The following XKR6 variants were observed in gnomAD, a reference collection of about 807,000 sequenced individuals.
XKR6 encodes XK related 6, also known as XK-related protein 6.
XKR6 carries 22 observed loss-of-function variants against 56.7 expected under a neutral mutation model. That is an observed-to-expected ratio of 0.39 (90% CI 0.28 to 0.55). XKR6 has a LOEUF of 0.55. Among genes scored for constraint, XKR6 ranks in the 20% least tolerant of loss-of-function variants. XKR6 has a pLI of 0.66. For synonymous variants in XKR6, 524 were observed against 387.8 expected, an observed-to-expected ratio of 1.35 and a Z score of -4.13; for missense variants, 852 against 889.0, an observed-to-expected ratio of 0.96 and a Z score of 0.53.
intron 1 of XKR6, among the ~76,000 whole-genome samples, chr8:11,073,445 G>C (rs767475478): frequency 1.2e-4 from 19 of 152,302 alleles, no homozygotes; most frequent in Non-Finnish European, 2.6e-4. Flanking sequence ...ATACAAGGCA[G>C]AGTGAGACAT....
At position 10,985,445 on chromosome 8, in the gene XKR6, T is replaced by C. The variant is rs576719401; in HGVS notation, c.765-60615A>G. Among the ~76,000 whole-genome samples the C allele has an allele frequency of 7.9e-5, 12 of 152,176 alleles. No individual in the cohort carries two copies. In the South Asian group the frequency reaches 2.5e-3, roughly 32 times the overall value. ...TTGTCTAGATCACTCAGCTGATATA[T>C]TTGATAGAATAACAATTTAAATCTA... On this transcript the variant is annotated intron_variant, in intron 1 of 2. Transcript: ENST00000416569.
At chr8:10,952,751 C>T (rs138950186) in intron 1 of XKR6, among the ~76,000 whole-genome samples, 17 of 152,286 alleles carry the variant, frequency 1.1e-4, no homozygotes, top group African/African-American at 4.1e-4. Flanking sequence ...GGGGGCGGAT[C>T]CTTCATGAAT....
chr8:11,003,840 C>A (rs1323439428), intron 1 of XKR6, among the ~76,000 whole-genome samples: 1 of 152,174 alleles, frequency 6.6e-6, no homozygotes, highest in African/African-American at 2.4e-5. Flanking sequence ...TTAATTCTGC[C>A]TGTGATGAGA....
Position 11,144,223 on chromosome 8 carries a change from A to AGTGTGTGTGTGTGTGTGTGTGTGTGTGT in XKR6, c.764+56325_764+56352dup, listed in dbSNP as rs35351104. On this transcript the variant is annotated intron_variant, in intron 1 of 2. Transcript: ENST00000416569. ...TGATGTAGTTTTGTTTTAAATAAAA[A>AGTGTGTGTGTGTGTGTGTGTGTGTGTGT]GTGTGTGTGTGTGTGTGTGTGTGTG... Among the ~76,000 whole-genome samples the AGTGTGTGTGTGTGTGTGTGTGTGTGTGT allele has an allele frequency of 8.1e-5, 11 of 136,516 alleles. No homozygotes were observed. The South Asian group carries it at 1.1e-3, about 13-fold the overall frequency. 89.6% of individuals were successfully genotyped at this position (136,516 alleles called of 152,430 possible).
At chr8:10,935,430 G>T in intron 1 of XKR6, among the ~76,000 whole-genome samples, 1 of 104,682 alleles carries the variant, frequency 9.6e-6, no homozygotes, top group Non-Finnish European at 2.0e-5. Flanking sequence ...GTTATTTCTT[G>T]CCTTCTGCTA....
chr8:11,029,151 C>T (rs915075089), intron 1 of XKR6, among the ~76,000 whole-genome samples: 2 of 152,130 alleles, frequency 1.3e-5, no homozygotes, highest in African/African-American at 4.8e-5. Flanking sequence ...GAACCCAGCC[C>T]TATCTCTATC....
chr8:11,200,479 C>T lies in XKR6; in HGVS notation c.764+97G>A, dbSNP rs1429708059. The stretch of plus-strand genomic sequence containing the variant: ...CGGCCGGTCCCTCCTTCGAGCCCCC[C>T]GCGCTGGGCCCTTTCGAGGGGCCGC... On this transcript the variant is annotated intron_variant, in intron 1 of 2. Transcript: ENST00000416569. This position sits in a 1 kb window ranked among gnomAD's most constrained non-coding sequence, Gnocchi z 6.4. 3.0e-6 allele frequency: 4 copies of T among 1,320,028 alleles called. No homozygotes were observed. Among genetic ancestry groups the T allele is most frequent in the Non-Finnish European group, 2.9e-6 (3 of 1,036,714 alleles). 81.8% of individuals were successfully genotyped at this position (1,320,028 alleles called of 1,614,324 possible).
chr8:11,156,573 G>A (rs1186808981), intron 1 of XKR6, among the ~76,000 whole-genome samples: 1 of 152,166 alleles, frequency 6.6e-6, no homozygotes, highest in Non-Finnish European at 1.5e-5. Flanking sequence ...GTTTGTCAAA[G>A]AGGCATGTGA....
At chr8:10,903,183 G>A (rs746126362) in intron 2 of XKR6, among the ~76,000 whole-genome samples, 19 of 152,302 alleles carry the variant, frequency 1.2e-4, no homozygotes, top group African/African-American at 1.9e-4. Context: ...TGTCTACGTC[G>A]TTATGTTTGG....
intron 1 of XKR6, among the ~76,000 whole-genome samples, chr8:11,090,897 T>A (rs899148990): frequency 1.5e-4 from 17 of 115,460 alleles, no homozygotes; most frequent in African/African-American, 7.9e-4. Context: ...CTATAATTCA[T>A]GAAATACTTG....
chr8:10,957,924 T>TAAA (rs35987493), intron 1 of XKR6, among the ~76,000 whole-genome samples: 21 of 148,380 alleles, frequency 1.4e-4, no homozygotes, highest in Non-Finnish European at 1.8e-4. Flanking sequence ...ATCAAAGTGT[T>TAAA]AAAAAAAAAA....
intron 1 of XKR6, among the ~76,000 whole-genome samples, chr8:11,091,434 C>T (rs948254280): frequency 1.2e-5 from 1 of 80,618 alleles, no homozygotes; most frequent in South Asian, 4.0e-4. Context: ...GAGACCCTGA[C>T]TCAAATAAAT....
chr8:10,981,408 T>C (rs776143455), intron 1 of XKR6, among the ~76,000 whole-genome samples: 16 of 152,136 alleles, frequency 1.1e-4, no homozygotes, highest in Admixed American at 2.6e-4. Flanking sequence ...TCCAAGGCAG[T>C]CAACAAGGCT....
At chr8:11,151,695 G>GTT (rs573659426) in intron 1 of XKR6, among the ~76,000 whole-genome samples, 10 of 145,018 alleles carry the variant, frequency 6.9e-5, no homozygotes, top group African/African-American at 2.0e-4. Flanking sequence ...CTTTGAACAA[G>GTT]TTTTTTTTTT....
At chr8:11,076,098 G>C (rs73662691) in intron 1 of XKR6, among the ~76,000 whole-genome samples, 2 of 152,198 alleles carry the variant, frequency 1.3e-5, no homozygotes, top group Non-Finnish European at 2.9e-5. Flanking sequence ...ATGATAGTAT[G>C]CTGAAAGAAA....
intron 1 of XKR6, chr8:11,108,678 TG>T (rs1798773035): frequency 9.3e-6 from 2 of 214,366 alleles, no homozygotes. Flanking sequence ...GGAAAAGCAA[TG>T]AGCGACCTTC....
intron 1 of XKR6, among the ~76,000 whole-genome samples, chr8:11,199,613 G>T (rs538735663): frequency 6.6e-6 from 1 of 152,294 alleles, no homozygotes; most frequent in African/African-American, 2.4e-5. Context: ...GCTAATTTAA[G>T]TAAGAGGGCA....
At chr8:10,949,803 G>T (rs1224170149) in intron 1 of XKR6, among the ~76,000 whole-genome samples, 1 of 152,172 alleles carries the variant, frequency 6.6e-6, no homozygotes, top group Non-Finnish European at 1.5e-5. Context: ...GTTGGGTGGG[G>T]GAGGGTACGA....
chr8:11,100,033 A>G (rs1011505547), intron 1 of XKR6, among the ~76,000 whole-genome samples: 3 of 152,120 alleles, frequency 2.0e-5, no homozygotes, highest in Non-Finnish European at 4.4e-5. Context: ...CAGTTTAAGT[A>G]GGGCTCATTT....
Sources: allele counts gnomAD v4.1 joint callset (sites outside exome capture counted in the v4.1 genomes callset), GRCh38; gene constraint gnomAD v4.1.1; non-coding constraint Gnocchi (gnomAD v3.1); transcripts MANE v1.5; gene names NCBI Gene and HGNC (gene_info 2026-07-23, HGNC 2026-07-21).